Variants in AAGAB observed in about 807,000 individuals in gnomAD.
AAGAB encodes the protein alpha- and gamma-adaptin-binding protein p34.
A neutral mutation model predicts 44.1 loss-of-function variants in AAGAB; 38 were observed. That is an observed-to-expected ratio of 0.86 (90% confidence interval 0.67 to 1.13). The LOEUF is 1.13. Ranked by LOEUF, AAGAB falls within the 50% of genes most tolerant of loss-of-function variation. The probability of loss-of-function intolerance (pLI) is 0.00; values close to 1 mark genes in which losing one functional copy is unlikely to be tolerated. For synonymous variants in AAGAB, 131 were observed against 131.8 expected, an observed-to-expected ratio of 0.99 and a Z score of 0.04; for missense variants, 450 against 373.8, an observed-to-expected ratio of 1.20 and a Z score of -1.68.
chr15:67,214,303 T>C lies in AAGAB; in HGVS notation c.536-4759A>G, dbSNP rs142068550. On this transcript the variant is annotated intron_variant, in intron 5 of 9. Transcript: ENST00000261880. ...AATTAATCATATGCCACTTACTAAC[T>C]GTTCACAGCCCAGCCCTATAACTCC... Among the ~76,000 whole-genome samples the C allele has an allele frequency of 3.7e-3, 565 of 152,368 alleles. 3 individuals are homozygous for C. The highest frequency in any genetic ancestry group is 0.014 in the Middle Eastern group (4 of 294).
intron 6 of AAGAB, 107 bp downstream of exon 6, chr15:67,209,355 G>T: frequency 2.0e-6 from 2 of 985,086 alleles, no homozygotes; most frequent in Non-Finnish European, 3.2e-6. Context: ...AACATTCTCT[G>T]TCACCTTTTA....
chr15:67,204,194 G>T, intron 7 of AAGAB, 46 bp from the exon 8 acceptor site: 3 of 1,327,346 alleles, frequency 2.3e-6, no homozygotes, highest in Non-Finnish European at 3.2e-6. Context: ...ATTTGCATAT[G>T]TGCTACACTC....
chr15:67,242,973 T>A (rs1207469337), intron 1 of AAGAB: 1 of 152,208 alleles, frequency 6.6e-6, no homozygotes, highest in Non-Finnish European at 1.5e-5. Context: ...CTGGTTACAC[T>A]CTAAATTCGC....
intron 5 of AAGAB, among the ~76,000 whole-genome samples, chr15:67,219,970 G>A (rs1279732457): frequency 4.6e-5 from 7 of 152,042 alleles, no homozygotes; most frequent in Admixed American, 2.0e-4. Context: ...GACATTAACA[G>A]CACCTACTAT....
At chr15:67,235,616 T>C (rs1964442968) in intron 4 of AAGAB, among the ~76,000 whole-genome samples, 2 of 152,140 alleles carry the variant, frequency 1.3e-5, no homozygotes, top group Admixed American at 1.3e-4. Context: ...CAGCCTTAGG[T>C]TACTATGAAT....
At chr15:67,250,058 G>A (rs745606070) in intron 1 of AAGAB, among the ~76,000 whole-genome samples, 1 of 152,194 alleles carries the variant, frequency 6.6e-6, no homozygotes, top group Non-Finnish European at 1.5e-5. Flanking sequence ...AACCAAACAA[G>A]TTTCCAGGGA....
At chr15:67,208,215 T>C (rs1963729063) in intron 7 of AAGAB, among the ~76,000 whole-genome samples, 1 of 152,030 alleles carries the variant, frequency 6.6e-6, no homozygotes, top group Non-Finnish European at 1.5e-5. Context: ...TAAAGTTGTA[T>C]TATTCTTGTC....
At chr15:67,208,689 T>A in intron 6 of AAGAB, 31 bp from the exon 7 acceptor site, 1 of 1,589,672 alleles carries the variant, frequency 6.3e-7, no homozygotes, top group Non-Finnish European at 8.6e-7. Context: ...AAGCAACAAT[T>A]TAATCGTAGT....
At chr15:67,214,664 G>A (rs1282046786) in intron 5 of AAGAB, among the ~76,000 whole-genome samples, 6 of 150,704 alleles carry the variant, frequency 4.0e-5, no homozygotes, top group African/African-American at 1.2e-4. Flanking sequence ...TTTTTGAGAC[G>A]GAGTCTCGCT....
chr15:67,255,102 T>G (rs578232748), upstream of AAGAB: 21 of 711,096 alleles, frequency 3.0e-5, no homozygotes, highest in South Asian at 2.8e-4. Context: ...CACCCAGACC[T>G]TCCCCCACGG....
intron 5 of AAGAB, among the ~76,000 whole-genome samples, chr15:67,214,726 C>T (rs1166043244): frequency 6.6e-6 from 1 of 151,996 alleles, no homozygotes; most frequent in African/African-American, 2.4e-5. Context: ...CTGCAAGCTC[C>T]GCCTCCCGGG....
At chr15:67,209,973 AT>A (rs1394570020) in intron 5 of AAGAB, among the ~76,000 whole-genome samples, 2 of 151,970 alleles carry the variant, frequency 1.3e-5, no homozygotes, top group African/African-American at 4.8e-5. Flanking sequence ...CCCTGAATAC[AT>A]TTTTTTTAAG....
intron 1 of AAGAB, among the ~76,000 whole-genome samples, chr15:67,238,957 A>G (rs1292142899): frequency 6.6e-6 from 1 of 152,144 alleles, no homozygotes; most frequent in Non-Finnish European, 1.5e-5. Flanking sequence ...GGCCTTCCAA[A>G]GTGCTGGGAT....
chr15:67,254,435 AC>A (rs1049166602), intron 1 of AAGAB, 123 bp downstream of exon 1: 2 of 1,452,408 alleles, frequency 1.4e-6, no homozygotes, highest in African/African-American at 2.9e-5. Context: ...GGGCGCCTCC[AC>A]TGACTGGAGG....
At chr15:67,213,088 AG>A (rs1963861359) in intron 5 of AAGAB, among the ~76,000 whole-genome samples, 1 of 152,188 alleles carries the variant, frequency 6.6e-6, no homozygotes, top group Non-Finnish European at 1.5e-5. Context: ...GGATGCAGAA[AG>A]GGGCAGCTGT....
At chr15:67,240,291 C>T (rs1964565679) in intron 1 of AAGAB, among the ~76,000 whole-genome samples, 1 of 152,090 alleles carries the variant, frequency 6.6e-6, no homozygotes, top group Admixed American at 6.5e-5. Context: ...TTTTGCCAGA[C>T]TTCCTAGAAA....
At chr15:67,217,435 C>T (rs192301075) in intron 5 of AAGAB, among the ~76,000 whole-genome samples, 1 of 152,326 alleles carries the variant, frequency 6.6e-6, no homozygotes. Context: ...TGTATTTAAT[C>T]ATCATTTAGT....
chr15:67,202,639 T>C lies in AAGAB; in HGVS notation c.*182A>G, dbSNP rs1156988442. On this transcript the variant is annotated 3_prime_UTR_variant, in exon 10 of 10. Coordinates refer to ENST00000261880, the MANE Select transcript of AAGAB (RefSeq NM_024666.5). ...CTGTATTCCTCACTCTCTTACAATA[T>C]ACTGAGGAAAAAAAAGATTTCTCCT... 1.7e-6 allele frequency: 1 copy of C among 604,580 alleles called. No homozygotes were observed. Among genetic ancestry groups the C allele is most frequent in the South Asian group, 2.1e-5 (1 of 47,966 alleles). The allele number at this position is 604,580 out of a possible 1,614,324, so 37.5% of individuals were successfully genotyped here. A position where few individuals can be genotyped will look rare whatever the true frequency, so the allele number is the denominator to read the frequency against.
chr15:67,216,040 T>C (rs1473503402), intron 5 of AAGAB, among the ~76,000 whole-genome samples: 2 of 152,178 alleles, frequency 1.3e-5, no homozygotes, highest in Admixed American at 1.3e-4. Flanking sequence ...TACTAATATT[T>C]GAACATATAA....
Sources: allele counts gnomAD v4.1 joint callset (sites outside exome capture counted in the v4.1 genomes callset), GRCh38; gene constraint gnomAD v4.1.1; transcripts MANE v1.5; gene names NCBI Gene and HGNC (gene_info 2026-07-23, HGNC 2026-07-21).